The following PPP1R9A variants were observed in gnomAD, a reference collection of about 807,000 sequenced individuals.
PPP1R9A encodes neurabin-1.
Under a neutral mutation model 141.9 loss-of-function variants are expected in PPP1R9A, and 59 were observed. That is an observed-to-expected ratio of 0.42 (90% CI 0.34 to 0.52). The LOEUF (loss-of-function observed/expected upper bound fraction) is 0.52. Among genes scored for constraint, PPP1R9A ranks in the 20% least tolerant of loss-of-function variants. PPP1R9A has a pLI of 0.10. For synonymous variants in PPP1R9A, 500 were observed against 569.7 expected, an observed-to-expected ratio of 0.88 and a Z score of 1.74; for missense variants, 1,444 against 1,611.9, an observed-to-expected ratio of 0.90 and a Z score of 1.78.
At position 95,230,347 on chromosome 7, in the gene PPP1R9A, G is replaced by T. The variant is rs1015684512; in HGVS notation, c.2112+4231G>T. On this transcript the variant is annotated intron_variant, in intron 8 of 19. Transcript: ENST00000433360. ...AATTGCCAGAAAAATATTTTAGAAGGTCAATTATTAAGCTAATCAAGGAGG... is the reference window on the plus strand; with the variant it reads ...AATTGCCAGAAAAATATTTTAGAAGTTCAATTATTAAGCTAATCAAGGAGG... Among the ~76,000 whole-genome samples, 4 of 152,008 alleles carry T rather than the reference G, an allele frequency of 2.6e-5. 1 individual carries two copies. Among genetic ancestry groups the T allele is most frequent in the Non-Finnish European group, 5.9e-5 (4 of 68,000 alleles).
intron 2 of PPP1R9A, among the ~76,000 whole-genome samples, chr7:94,916,551 T>C (rs4727304): frequency 0.58 from 87,476 of 152,026 alleles, 25,467 homozygotes; most frequent in African/African-American, 0.67. Context: ...AGTGCATGAA[T>C]ACTCTGTTTC....
At chr7:95,240,486 G>A (rs111940651) in intron 8 of PPP1R9A, among the ~76,000 whole-genome samples, 83 of 147,836 alleles carry the variant, frequency 5.6e-4, no homozygotes, top group Admixed American at 1.7e-3. Flanking sequence ...TCTTTTTTTC[G>A]TGTCTGAGAT....
At chr7:95,099,611 T>C (rs28684998) in intron 2 of PPP1R9A, among the ~76,000 whole-genome samples, 10,864 of 152,264 alleles carry the variant, frequency 0.071, 509 homozygotes, top group African/African-American at 0.13. Flanking sequence ...AGGATTTTTT[T>C]CCCTGATTAC....
At chr7:95,213,286 G>A (rs1184417995) in intron 7 of PPP1R9A, among the ~76,000 whole-genome samples, 1 of 150,024 alleles carries the variant, frequency 6.7e-6, no homozygotes, top group African/African-American at 2.4e-5. Flanking sequence ...GAATTCTTAA[G>A]ATTTTATTGG....
At position 95,231,336 on chromosome 7, in the gene PPP1R9A, G is replaced by C. The variant is rs182429947; in HGVS notation, c.2112+5220G>C. On this transcript the variant is annotated intron_variant, in intron 8 of 19. Transcript: ENST00000433360. Reference sequence around the variant, plus strand: ...TCTACTGTCAGCACTAGACAGGTGGGTCATCAAGACAGAAAGTCAACAAAG... The same window carrying C: ...TCTACTGTCAGCACTAGACAGGTGGCTCATCAAGACAGAAAGTCAACAAAG... 4.4e-3 allele frequency among the ~76,000 whole-genome samples: 666 copies of C among 152,246 alleles called. 6 individuals are homozygous for C. Among genetic ancestry groups the C allele is most frequent in the Non-Finnish European group, 5.4e-3 (366 of 68,002 alleles).
chr7:95,116,670 A>G (rs1268204250), intron 3 of PPP1R9A, among the ~76,000 whole-genome samples: 1 of 152,200 alleles, frequency 6.6e-6, no homozygotes, highest in African/African-American at 2.4e-5. Context: ...ATTGCAAAAA[A>G]CAGTATTAAA....
Position 95,181,683 on chromosome 7 carries a change from CCGTCACAT to C in PPP1R9A, c.1755-16665_1755-16658del, listed in dbSNP as rs1563371129. Among the ~76,000 whole-genome samples the C allele has an allele frequency of 7.9e-4, 99 of 124,942 alleles. 5 individuals carry two copies. Among genetic ancestry groups the C allele is most frequent in the African/African-American group, 2.7e-3 (87 of 32,796 alleles). The allele number at this position is 124,942 out of a possible 152,430, so 82.0% of individuals were successfully genotyped here. ...CATATATATAGAATATATATATATTCCGTCACATATATATAGAATATATATATATTCCG... is the reference window on the plus strand; with the variant it reads ...CATATATATAGAATATATATATATTCATATATAGAATATATATATATTCCG... On this transcript the variant is annotated intron_variant, in intron 5 of 19. Transcript: ENST00000433360.
rs1811370743 is a variant in PPP1R9A at position 95,055,362 on chromosome 7, T to G, written c.1396-55897T>G. Reference sequence around the variant, plus strand: ...TTTTCTGTTGAAAACTTCAAAATTCTTAACCCTACCCATTCTTTTGTTCTT... The same window carrying G: ...TTTTCTGTTGAAAACTTCAAAATTCGTAACCCTACCCATTCTTTTGTTCTT... On this transcript the variant is annotated intron_variant, in intron 2 of 19. Transcript: ENST00000433360. Among the ~76,000 whole-genome samples the G allele has an allele frequency of 8.1e-5, 12 of 148,788 alleles. 1 individual carries two copies. The South Asian group carries it at 2.3e-3, about 28-fold the overall frequency.
At chr7:95,018,347 G>C in intron 2 of PPP1R9A, 1 of 218,652 alleles carries the variant, frequency 4.6e-6, no homozygotes, top group South Asian at 9.5e-5. Flanking sequence ...ATCATCTTCT[G>C]CAGCAGAAAT....
rs552773686 is a variant in PPP1R9A, at chr7:95,010,040, G to C, written c.1395+98532G>C. 2.0e-3 allele frequency among the ~76,000 whole-genome samples: 304 copies of C among 152,208 alleles called. 1 individual carries two copies. The highest frequency in any genetic ancestry group is 3.1e-3 in the Non-Finnish European group (211 of 68,010). On this transcript the variant is annotated intron_variant, in intron 2 of 19. Coordinates refer to ENST00000433360, the MANE Select transcript of PPP1R9A (RefSeq NM_001166160.2). Reference sequence around the variant, plus strand: ...TGGTACTGTATGTACTATTCAGAGGGTACAAACTATTCACAGTTCCAGAAA... The same window carrying C: ...TGGTACTGTATGTACTATTCAGAGGCTACAAACTATTCACAGTTCCAGAAA...
chr7:95,134,710 C>A (rs1218390609), intron 4 of PPP1R9A, among the ~76,000 whole-genome samples: 1 of 152,162 alleles, frequency 6.6e-6, no homozygotes, highest in African/African-American at 2.4e-5. Context: ...GTTGGGATTA[C>A]AGGCATGAGC....
chr7:95,178,997 A>G lies in PPP1R9A; in HGVS notation c.1754+17026A>G, dbSNP rs541554625. 4.6e-5 allele frequency among the ~76,000 whole-genome samples: 7 copies of G among 152,218 alleles called. No individual in the cohort carries two copies. In the East Asian group the frequency reaches 1.4e-3, roughly 29 times the overall value. On this transcript the variant is annotated intron_variant, in intron 5 of 19. Coordinates refer to ENST00000433360, the MANE Select transcript of PPP1R9A (RefSeq NM_001166160.2). ...TATTGACACAATTCCAGATAGAGAA[A>G]GAGGGAACCCTCCCTAAATCATTCT...
intron 2 of PPP1R9A, among the ~76,000 whole-genome samples, chr7:95,093,918 G>A (rs1173867144): frequency 2.0e-5 from 3 of 152,062 alleles, no homozygotes; most frequent in Non-Finnish European, 2.9e-5. Context: ...AACCTTAAAT[G>A]TTTCACTGAC....
intron 2 of PPP1R9A, among the ~76,000 whole-genome samples, chr7:94,919,653 A>T (rs1792539133): frequency 6.6e-6 from 1 of 151,968 alleles, no homozygotes; most frequent in Admixed American, 6.6e-5. Flanking sequence ...ATTTTTTCTC[A>T]TCCTTCAATA....
intron 4 of PPP1R9A, among the ~76,000 whole-genome samples, chr7:95,124,938 G>T (rs563779819): frequency 6.3e-4 from 95 of 151,952 alleles, no homozygotes; most frequent in African/African-American, 2.2e-3. Flanking sequence ...TAAAAAATTT[G>T]CCGTGGGTAT....
chr7:94,947,605 A>G (rs1253209100), intron 2 of PPP1R9A, among the ~76,000 whole-genome samples: 1 of 152,116 alleles, frequency 6.6e-6, no homozygotes, highest in Non-Finnish European at 1.5e-5. Context: ...GTAAAGTGAC[A>G]TGCTAGAAGG....
chr7:95,032,886 AATTC>A (rs1354742670), intron 2 of PPP1R9A, among the ~76,000 whole-genome samples: 1 of 152,172 alleles, frequency 6.6e-6, no homozygotes, highest in Non-Finnish European at 1.5e-5. Context: ...AGAAGTCTCT[AATTC>A]TTAGAGGTAA....
intron 2 of PPP1R9A, among the ~76,000 whole-genome samples, chr7:95,058,656 A>G (rs1219110911): frequency 6.6e-6 from 1 of 152,220 alleles, no homozygotes; most frequent in Non-Finnish European, 1.5e-5. Context: ...AAGCTGTTGT[A>G]AGAGGTCAAG....
rs529633734 is a variant in PPP1R9A, at chr7:95,139,318, C to T, written c.1649+18486C>T. On this transcript the variant is annotated intron_variant, in intron 4 of 19. Transcript: ENST00000433360. ...CCACCTGATCTCATGAGAACTTCCT[C>T]ACTATCACGAGAACAGTATGGAGGA... 7.2e-5 allele frequency among the ~76,000 whole-genome samples: 11 copies of T among 152,256 alleles called. No homozygotes were observed. The South Asian group carries it at 1.9e-3, about 26-fold the overall frequency.
Sources: allele counts gnomAD v4.1 joint callset (sites outside exome capture counted in the v4.1 genomes callset), GRCh38; gene constraint gnomAD v4.1.1; transcripts MANE v1.5; gene names NCBI Gene and HGNC (gene_info 2026-07-23, HGNC 2026-07-21).